SCNN1D: variants seen among roughly 807,000 people sequenced by gnomAD.
The protein encoded by SCNN1D is epithelial sodium channel subunit delta.
SCNN1D carries 104 observed loss-of-function variants against 87.8 expected under a neutral mutation model. The observed-to-expected ratio is 1.18, with a 90% CI of 1.01 to 1.39. SCNN1D has a LOEUF of 1.39. SCNN1D is among the 40% of genes most tolerant of loss of function. The probability of loss-of-function intolerance (pLI) is 0.00; values close to 1 mark genes in which losing one functional copy is unlikely to be tolerated. For synonymous variants in SCNN1D, 628 were observed against 481.2 expected (o/e 1.31, Z -3.99); for missense variants, 1,324 against 1,093.9 (o/e 1.21, Z -2.97).
chr1:1,285,933 C>T lies in SCNN1D; in HGVS notation c.566C>T (p.Ala189Val), dbSNP rs1388772057. 1 of 1,545,752 alleles carries T rather than the reference C, an allele frequency of 6.5e-7. No individual in the cohort carries two copies. The highest frequency in any genetic ancestry group is 1.8e-5 in the Admixed American group (1 of 55,970). Residue 189 changes from alanine to valine, a missense_variant, in exon 7 of 18, where the codon GCC (alanine) becomes GTC (valine). Coordinates refer to ENST00000379116, the MANE Select transcript of SCNN1D (RefSeq NM_001130413.4). ...NAACKQGQAA[A>V]QTPPRPGPPS... ...AGGCCACTCTGCACACAGGCTGCAGCCCAGACGCCCCCCAGGCCGGGGCCA... is the reference window on the plus strand; with the variant it reads ...AGGCCACTCTGCACACAGGCTGCAGTCCAGACGCCCCCCAGGCCGGGGCCA...
intron 7 of SCNN1D, among the ~76,000 whole-genome samples, 167 bp from the exon 8 acceptor site, chr1:1,286,601 C>CGACCT (rs1219668379): frequency 6.6e-6 from 1 of 152,052 alleles, no homozygotes; most frequent in Non-Finnish European, 1.5e-5. Context: ...GCTCCGGGGC[C>CGACCT]GACCTCACCG....
intron 12 of SCNN1D, 80 bp downstream of exon 12, chr1:1,288,117 G>T (rs1048693940): frequency 2.1e-6 from 2 of 956,038 alleles, no homozygotes; most frequent in Non-Finnish European, 3.1e-6. Flanking sequence ...AACGGGGGAG[G>T]GGTCTGGGAG....
chr1:1,286,761 G>C lies in SCNN1D; in HGVS notation c.912-7G>C. The C allele has an allele frequency of 6.2e-7, 1 of 1,611,934 alleles. No homozygotes were observed. On this transcript the variant is annotated splice_polypyrimidine_tract_variant and splice_region_variant and intron_variant, in intron 7 of 17. Transcript: ENST00000379116. Reference sequence around the variant, plus strand: ...GGCAACTCTGACTCCAGGGCCCTGCGTCCCAGGCCGAGTCCGGTCCTCCGC... The same window carrying C: ...GGCAACTCTGACTCCAGGGCCCTGCCTCCCAGGCCGAGTCCGGTCCTCCGC...
chr1:1,283,956 C>A, intron 4 of SCNN1D, 22 bp from the exon 5 acceptor site: 1 of 1,414,716 alleles, frequency 7.1e-7, no homozygotes, highest in Non-Finnish European at 9.3e-7. Flanking sequence ...AGTCCCACGC[C>A]CAGCCAGCCT....
rs749139131 is a variant in SCNN1D at position 1,290,911 on chromosome 1, C to T, written c.1934C>T (p.Thr645Met). ...SAKSAGWTLA[T>M]LGEQGLPHQS... ...CGTCTGCAGGGATGGACTCTGGCCA[C>T]GCTAGGTGAACAGGGGCTGCCGCAT... The change falls in exon 16 of 18, where the codon ACG becomes ATG. Residue 645 changes from threonine to methionine, a missense_variant. Coordinates refer to ENST00000379116, the MANE Select transcript of SCNN1D (RefSeq NM_001130413.4). 16 of 1,609,962 alleles carry T rather than the reference C, an allele frequency of 9.9e-6. No individual in the cohort carries two copies. The Admixed American group carries it at 1.0e-4, about 10-fold the overall frequency.
intron 16 of SCNN1D, 39 bp downstream of exon 16, chr1:1,290,992 CCT>C: frequency 6.3e-7 from 1 of 1,590,000 alleles, no homozygotes; most frequent in South Asian, 1.1e-5. Flanking sequence ...CATCACAGCC[CCT>C]CTCCCCTCAA....
rs779834240 is a variant in SCNN1D, at chr1:1,286,234, C to T, written c.867C>T (p.Arg289=). ...TGGCCGTCTCTGTGCACTCGGAGCG[C>T]AAGCTGCTCCCGCTGGTCACCCTGT... ...VLMAVSVHSE[R]KLLPLVTLCD... is the part of the protein sequence containing the mutation. Residue 289 remains arginine, a synonymous_variant, in exon 7 of 18, where the codon CGC becomes CGT. Transcript: ENST00000379116. 2 of 1,595,382 alleles carry T rather than the reference C, an allele frequency of 1.3e-6. No individual in the cohort carries two copies. Among genetic ancestry groups the T allele is most frequent in the Admixed American group, 1.7e-5 (1 of 59,298 alleles).
intron 4 of SCNN1D, among the ~76,000 whole-genome samples, chr1:1,282,712 T>G (rs28431353): frequency 3.3e-5 from 5 of 152,050 alleles, no homozygotes; most frequent in African/African-American, 9.7e-5. Context: ...CATACGTGTG[T>G]GGTCTTAGCA....
chr1:1,287,714 C>A lies in SCNN1D; in HGVS notation c.1441C>A (p.Pro481Thr). The part of the protein sequence containing the change: ...VLRVEQQPHL[P>T]LLSTLAGIRV... ...CAGGGTTGAGCAGCAGCCTCACCTC[C>A]CTCTGCTGTCCACGCTGGCCGGCAT... Residue 481 changes from proline to threonine, a missense_variant, in exon 11 of 18, where the codon CCT becomes ACT. Physicochemically the swap from Pro to Thr is conservative, Grantham distance 38. Transcript: ENST00000379116. 1 of 1,610,252 alleles carries A rather than the reference C, an allele frequency of 6.2e-7. No homozygotes were observed. The highest frequency in any genetic ancestry group is 8.5e-7 in the Non-Finnish European group (1 of 1,178,832).
At chr1:1,283,312 G>T (rs1282596317) in intron 4 of SCNN1D, among the ~76,000 whole-genome samples, 1 of 152,164 alleles carries the variant, frequency 6.6e-6, no homozygotes, top group Non-Finnish European at 1.5e-5. Context: ...GGGAGCTGAG[G>T]TCCCCACCCA....
At chr1:1,283,260 G>C (rs1223123736) in intron 4 of SCNN1D, among the ~76,000 whole-genome samples, 1 of 152,188 alleles carries the variant, frequency 6.6e-6, no homozygotes, top group South Asian at 2.1e-4. Context: ...ATTAGCACCT[G>C]TCCCAATGGC....
In SCNN1D at chr1:1,286,772, A is replaced by AGTCCGGTCCTCCGCCATC. The variant is rs766750515; in HGVS notation, c.917_934dup (p.His311_Leu312insArgProValLeuArgHis). ...CTCCAGGGCCCTGCGTCCCAGGCCGAGTCCGGTCCTCCGCCATCTGGAGCT... is the reference window on the plus strand; with the variant it reads ...CTCCAGGGCCCTGCGTCCCAGGCCGAGTCCGGTCCTCCGCCATCGTCCGGTCCTCCGCCATCTGGAGCT... On this transcript the variant is annotated inframe_insertion, in exon 8 of 18. Transcript: ENST00000379116. 1.9e-5 allele frequency: 30 copies of AGTCCGGTCCTCCGCCATC among 1,612,332 alleles called. No homozygotes were observed. The highest frequency in any genetic ancestry group is 2.3e-5 in the Non-Finnish European group (27 of 1,179,788).
chr1:1,281,904 A>C, intron 3 of SCNN1D: 1 of 563,490 alleles, frequency 1.8e-6, no homozygotes, highest in Non-Finnish European at 3.1e-6. Context: ...CCGGGGACAC[A>C]GGGAGGCACA....
intron 7 of SCNN1D, 66 bp from the exon 8 acceptor site, chr1:1,286,702 C>G (rs375699275): frequency 1.3e-6 from 2 of 1,482,386 alleles, no homozygotes; most frequent in African/African-American, 1.4e-5. Flanking sequence ...ACAGCACACA[C>G]TGGGATGCTG....
chr1:1,287,454 G>A (rs967881909), intron 9 of SCNN1D, 54 bp from the exon 10 acceptor site: 14 of 1,497,288 alleles, frequency 9.4e-6, no homozygotes, highest in Admixed American at 4.4e-5. Flanking sequence ...TCAGGCCAGC[G>A]TGACGGGCGC....
intron 5 of SCNN1D, among the ~76,000 whole-genome samples, chr1:1,284,317 G>A (rs1196389236): frequency 9.6e-6 from 1 of 104,600 alleles, no homozygotes; most frequent in African/African-American, 5.1e-5. Flanking sequence ...GTGGGGGGTA[G>A]GGGTGGGGGG....
At position 1,287,824 on chromosome 1, in the gene SCNN1D, C is replaced by G. The variant is rs1308405110; in HGVS notation, c.1551C>G (p.Ile517Met). The stretch of plus-strand genomic sequence containing the variant: ...TCCGGCCAGGGACGGAGGCCACCAT[C>G]AGCATCCGAGAGGTGAGCTGGCCTC... ...FSVRPGTEAT[I>M]SIREDEVHRL... is the part of the protein sequence containing the mutation. The change falls in exon 11 of 18, where the codon ATC becomes ATG. Residue 517 changes from isoleucine (I) to methionine (M), a missense_variant. Physicochemically the swap from Ile to Met is conservative, Grantham distance 10. Transcript: ENST00000379116. 1.9e-6 allele frequency: 3 copies of G among 1,556,932 alleles called. No individual in the cohort carries two copies. The highest frequency in any genetic ancestry group is 2.6e-6 in the Non-Finnish European group (3 of 1,149,850).
intron 4 of SCNN1D, among the ~76,000 whole-genome samples, chr1:1,282,756 C>CT (rs61112547): frequency 0.085 from 12,069 of 142,498 alleles, 1,012 homozygotes; most frequent in African/African-American, 0.21. Context: ...GAATCACTTT[C>CT]TTTTTTTTTT....
chr1:1,282,333 C>G lies in SCNN1D; in HGVS notation c.351+18C>G, dbSNP rs774873700. The G allele has an allele frequency of 2.6e-6, 4 of 1,549,894 alleles. No individual in the cohort carries two copies. The South Asian group carries it at 4.8e-5, about 18-fold the overall frequency. On this transcript the variant is annotated intron_variant, in intron 4 of 17. Transcript: ENST00000379116. Reference sequence around the variant, plus strand: ...GCCGGCAGGCAGGTGACCTCACCCTCCTCAGAGCCATGGCTCTGCTGCTGG... The same window carrying G: ...GCCGGCAGGCAGGTGACCTCACCCTGCTCAGAGCCATGGCTCTGCTGCTGG...
Sources: gnomAD v4.1 joint callset for allele counts (sites outside exome capture counted in the v4.1 genomes callset) on GRCh38, gnomAD v4.1.1 for gene constraint, MANE v1.5 for transcripts, NCBI Gene and HGNC (gene_info 2026-07-23, HGNC 2026-07-21) for gene names.